Variants in MSRA observed in about 807,000 individuals in gnomAD.
The protein encoded by MSRA is mitochondrial peptide methionine sulfoxide reductase.
MSRA carries 54 observed loss-of-function variants against 31.3 expected under a neutral mutation model. That is an observed-to-expected ratio of 1.73 (90% CI 1.39 to 2.17). MSRA has a LOEUF of 2.17. Among genes scored for constraint, MSRA ranks in the 30% most tolerant of loss-of-function variants. The pLI, the probability that MSRA is intolerant of heterozygous loss-of-function variation, is 0.00. For missense variants in MSRA, 507 were observed against 300.9 expected, an observed-to-expected ratio of 1.69 and a Z score of -5.07; for synonymous variants, 169 against 116.5, an observed-to-expected ratio of 1.45 and a Z score of -2.90.
intron 3 of MSRA, among the ~76,000 whole-genome samples, chr8:10,293,939 C>T (rs1010777314): frequency 6.6e-6 from 1 of 152,130 alleles, no homozygotes; most frequent in South Asian, 2.1e-4. Flanking sequence ...CATGGTGGCT[C>T]ATGCCTGTAA....
intron 1 of MSRA, among the ~76,000 whole-genome samples, chr8:10,121,678 T>C (rs948435215): frequency 2.7e-5 from 4 of 145,482 alleles, no homozygotes; most frequent in Non-Finnish European, 6.2e-5. Flanking sequence ...TCCCTCTCTC[T>C]TTTTTTTTTG....
intron 1 of MSRA, among the ~76,000 whole-genome samples, chr8:10,071,458 C>CTTTTTTTTTT (rs77512999): frequency 4.6e-5 from 6 of 129,274 alleles, no homozygotes; most frequent in Non-Finnish European, 6.5e-5. Flanking sequence ...TTTTAATTTT[C>CTTTTTTTTTT]TTTTTTTTTT....
At chr8:10,122,888 A>C (rs888293274) in intron 1 of MSRA, among the ~76,000 whole-genome samples, 1 of 152,204 alleles carries the variant, frequency 6.6e-6, no homozygotes, top group Admixed American at 6.5e-5. Flanking sequence ...ATGGTGGCAT[A>C]GTACTCCATG....
At chr8:10,114,668 G>T (rs1204133118) in intron 1 of MSRA, among the ~76,000 whole-genome samples, 1 of 152,208 alleles carries the variant, frequency 6.6e-6, no homozygotes, top group Non-Finnish European at 1.5e-5. Context: ...ATGGTGGCAA[G>T]TGGATAATTG....
intron 1 of MSRA, among the ~76,000 whole-genome samples, chr8:10,061,319 A>G (rs1313811745): frequency 3.3e-5 from 5 of 152,172 alleles, no homozygotes; most frequent in African/African-American, 1.2e-4. Context: ...TGCTTAGGAA[A>G]GACCTGTATT....
intron 1 of MSRA, among the ~76,000 whole-genome samples, chr8:10,131,745 C>T (rs1801914257): frequency 6.6e-6 from 1 of 152,166 alleles, no homozygotes; most frequent in South Asian, 2.1e-4. Context: ...CTGCAGCCAG[C>T]CACTGGGGAC....
intron 2 of MSRA, among the ~76,000 whole-genome samples, chr8:10,235,626 A>G (rs892316740): frequency 7.9e-5 from 12 of 152,158 alleles, no homozygotes; most frequent in African/African-American, 2.9e-4. Flanking sequence ...ACCTCTAAAA[A>G]GAGAGATATA....
intron 1 of MSRA, among the ~76,000 whole-genome samples, chr8:10,086,103 G>T (rs1798546916): frequency 6.6e-6 from 1 of 152,190 alleles, no homozygotes; most frequent in African/African-American, 2.4e-5. Flanking sequence ...TATGATCAGT[G>T]TAACTTTTTA....
At chr8:10,415,557 C>T (rs753769077) in intron 5 of MSRA, among the ~76,000 whole-genome samples, 20 of 152,126 alleles carry the variant, frequency 1.3e-4, no homozygotes, top group Admixed American at 3.9e-4. Flanking sequence ...AAATAGGCCA[C>T]AGCTTGATGC....
chr8:10,417,772 G>GTGTGTGTGTGTGTA (rs1808567435), intron 5 of MSRA, among the ~76,000 whole-genome samples: 1 of 151,028 alleles, frequency 6.6e-6, no homozygotes, highest in Non-Finnish European at 1.5e-5. Context: ...GTGTGTGTGT[G>GTGTGTGTGTGTGTA]TGTGTGTCTG....
At position 10,205,095 on chromosome 8, in the gene MSRA, T is replaced by C. The variant is rs1477994232; in HGVS notation, c.143-2738T>C. Among the ~76,000 whole-genome samples, 3 of 152,092 alleles carry C rather than the reference T, an allele frequency of 2.0e-5. No individual in the cohort carries two copies. The East Asian group carries it at 5.8e-4, about 29-fold the overall frequency. On this transcript the variant is annotated intron_variant, in intron 1 of 5. Coordinates refer to ENST00000317173, the MANE Select transcript of MSRA (RefSeq NM_012331.5). The stretch of plus-strand genomic sequence containing the variant: ...ATGCCAAAGAGCTTTGACTGTGGCC[T>C]GAGAGTCATGGGATGCCATGGAAGG...
chr8:10,171,186 G>A (rs10105177), intron 1 of MSRA, among the ~76,000 whole-genome samples: 3 of 152,216 alleles, frequency 2.0e-5, no homozygotes, highest in Non-Finnish European at 4.4e-5. Context: ...AGCTGGGCCA[G>A]ATGTAGTCTG....
intron 1 of MSRA, among the ~76,000 whole-genome samples, chr8:10,118,854 T>C (rs1200158720): frequency 6.6e-6 from 1 of 152,158 alleles, no homozygotes; most frequent in African/African-American, 2.4e-5. Flanking sequence ...CTAGAACATG[T>C]AGGATACAGG....
chr8:10,221,407 A>G (rs1032529407), intron 2 of MSRA, among the ~76,000 whole-genome samples: 1 of 149,898 alleles, frequency 6.7e-6, no homozygotes, highest in African/African-American at 2.4e-5. Flanking sequence ...ATTAAGCTAC[A>G]TATTATAAAT....
intron 3 of MSRA, among the ~76,000 whole-genome samples, chr8:10,281,880 C>T (rs1799642461): frequency 6.6e-6 from 1 of 152,116 alleles, no homozygotes; most frequent in Admixed American, 6.5e-5. Context: ...TTCTTAGCCA[C>T]GTTTCTAATT....
At chr8:10,185,244 C>G (rs142354014) in intron 1 of MSRA, among the ~76,000 whole-genome samples, 6 of 152,266 alleles carry the variant, frequency 3.9e-5, no homozygotes, top group Non-Finnish European at 5.9e-5. Flanking sequence ...GTATGCATCA[C>G]GACTGGGGCT....
intron 5 of MSRA, chr8:10,320,266 G>A (rs775670876): frequency 1.3e-5 from 3 of 236,962 alleles, no homozygotes; most frequent in South Asian, 1.3e-4. Flanking sequence ...CCAGGAGTTC[G>A]AGACCAGCCT....
chr8:10,350,099 G>A (rs1353806297), intron 5 of MSRA, among the ~76,000 whole-genome samples: 3 of 152,234 alleles, frequency 2.0e-5, no homozygotes, highest in African/African-American at 7.2e-5. Context: ...GCCATTTGGG[G>A]CACTTCCTGT....
intron 5 of MSRA, among the ~76,000 whole-genome samples, chr8:10,384,550 A>T (rs1806268949): frequency 6.6e-6 from 1 of 151,122 alleles, no homozygotes; most frequent in Non-Finnish European, 1.5e-5. Flanking sequence ...CGGTTTGAAA[A>T]CTCTTTCACC....
Sources: gnomAD v4.1 joint callset for allele counts (sites outside exome capture counted in the v4.1 genomes callset) on GRCh38, gnomAD v4.1.1 for gene constraint, MANE v1.5 for transcripts, NCBI Gene and HGNC (gene_info 2026-07-23, HGNC 2026-07-21) for gene names.